KCTD9: variants seen among roughly 807,000 people sequenced by gnomAD.
The protein encoded by KCTD9 is potassium channel tetramerization domain containing 9.
In KCTD9, 17 loss-of-function variants were observed where a neutral mutation model predicts 53.3. The observed-to-expected ratio is 0.32, with a 90% CI of 0.22 to 0.48. KCTD9 has a LOEUF of 0.48. Ranked by LOEUF, KCTD9 falls within the 20% of genes least tolerant of loss-of-function variation. KCTD9 has a pLI of 0.99. For synonymous variants in KCTD9, 128 were observed against 162.7 expected (o/e 0.79, Z 1.62); for missense variants, 179 against 465.5 (o/e 0.38, Z 5.66).
At chr8:25,453,700 A>C (rs1452285284) in intron 1 of KCTD9, among the ~76,000 whole-genome samples, 1 of 152,178 alleles carries the variant, frequency 6.6e-6, no homozygotes, top group African/African-American at 2.4e-5. Flanking sequence ...ATATGTGACA[A>C]AACTATTTAA....
At chr8:25,452,083 G>A (rs1311222658) in intron 1 of KCTD9, among the ~76,000 whole-genome samples, 3 of 151,994 alleles carry the variant, frequency 2.0e-5, no homozygotes, top group Non-Finnish European at 4.4e-5. Context: ...AATTTATGCA[G>A]GCTGATTTAC....
At chr8:25,453,194 T>C (rs1456807321) in intron 1 of KCTD9, among the ~76,000 whole-genome samples, 1 of 151,770 alleles carries the variant, frequency 6.6e-6, no homozygotes, top group African/African-American at 2.4e-5. Context: ...CCATCTCTAC[T>C]AAAAATACAA....
chr8:25,437,224 T>C (rs1802033290), intron 6 of KCTD9, among the ~76,000 whole-genome samples: 1 of 152,206 alleles, frequency 6.6e-6, no homozygotes, highest in African/African-American at 2.4e-5. Context: ...TTCGGATATA[T>C]ATCCCTGGTG....
At chr8:25,435,690 G>C (rs921473505) in intron 8 of KCTD9, among the ~76,000 whole-genome samples, 178 bp from the exon 9 acceptor site, 8 of 152,068 alleles carry the variant, frequency 5.3e-5, no homozygotes, top group African/African-American at 1.9e-4. Flanking sequence ...TCCTTAAATA[G>C]GTTCCTCATA....
chr8:25,453,673 A>G (rs552190078), intron 1 of KCTD9, among the ~76,000 whole-genome samples: 461 of 152,006 alleles, frequency 3.0e-3, no homozygotes, highest in African/African-American at 0.011. Flanking sequence ...AAAAAAAGGT[A>G]ATTTAGTTAT....
chr8:25,444,903 GA>G (rs1274557200), intron 2 of KCTD9, among the ~76,000 whole-genome samples: 1 of 152,082 alleles, frequency 6.6e-6, no homozygotes, highest in African/African-American at 2.4e-5. Context: ...ACTGTATTGT[GA>G]ACCAAAAATG....
chr8:25,454,678 A>G (rs1201024929), intron 1 of KCTD9, among the ~76,000 whole-genome samples: 3 of 152,236 alleles, frequency 2.0e-5, no homozygotes, highest in Non-Finnish European at 2.9e-5. Context: ...AATTTAAACC[A>G]AAGATTCCAG....
chr8:25,444,231 T>C lies in KCTD9; in HGVS notation c.214+61A>G, dbSNP rs531379011. 1,857 of 1,284,816 alleles carry C rather than the reference T, an allele frequency of 1.4e-3. 2 individuals carry two copies. The highest frequency in any genetic ancestry group is 1.7e-3 in the Non-Finnish European group (1,593 of 912,172). 79.6% of individuals were successfully genotyped at this position (1,284,816 alleles called of 1,614,324 possible). ...AGCTTAATAGCCCCATTTAAAATAA[T>C]TGTCATTCCATCTTTTTTTTTTTTT... On this transcript the variant is annotated intron_variant, in intron 3 of 11. Transcript: ENST00000221200.
chr8:25,456,911 A>T (rs538943625), intron 1 of KCTD9, among the ~76,000 whole-genome samples: 1 of 152,348 alleles, frequency 6.6e-6, no homozygotes, highest in South Asian at 2.1e-4. Context: ...GAACATACTA[A>T]ATCTTTCTTA....
chr8:25,432,919 C>G (rs1203809855), intron 10 of KCTD9, among the ~76,000 whole-genome samples: 1 of 152,054 alleles, frequency 6.6e-6, no homozygotes, highest in Admixed American at 6.6e-5. Context: ...CCTAAATATA[C>G]AAGTAAACAA....
At chr8:25,446,297 A>C in intron 1 of KCTD9, 47 bp from the exon 2 acceptor site, 1 of 1,600,786 alleles carries the variant, frequency 6.2e-7, no homozygotes, top group South Asian at 1.1e-5. Flanking sequence ...AATACATGTT[A>C]TCCCCCATAA....
intron 1 of KCTD9, among the ~76,000 whole-genome samples, chr8:25,452,313 T>C (rs913590677): frequency 2.6e-5 from 4 of 152,134 alleles, no homozygotes; most frequent in African/African-American, 9.7e-5. Context: ...TGTGGACCAA[T>C]AGGGAAGATT....
chr8:25,432,125 G>A (rs892351379), intron 11 of KCTD9, among the ~76,000 whole-genome samples: 7 of 152,148 alleles, frequency 4.6e-5, no homozygotes, highest in East Asian at 1.9e-4. Context: ...AAGATGACCA[G>A]GCAAAATTAT....
intron 3 of KCTD9, among the ~76,000 whole-genome samples, chr8:25,444,062 C>A (rs1191223766): frequency 6.6e-6 from 1 of 152,066 alleles, no homozygotes; most frequent in East Asian, 1.9e-4. Context: ...AATATGTATA[C>A]CTCCAGAGCA....
chr8:25,449,363 G>T (rs571152636), intron 1 of KCTD9, among the ~76,000 whole-genome samples: 1 of 152,048 alleles, frequency 6.6e-6, no homozygotes, highest in South Asian at 2.1e-4. Context: ...TCCCCTCCTT[G>T]CCCTAACATC....
chr8:25,444,243 C>CTTTT (rs57257880), intron 3 of KCTD9, 49 bp downstream of exon 3: 20,388 of 958,364 alleles, frequency 0.021, 638 homozygotes, highest in African/African-American at 0.13. Context: ...GTCATTCCAT[C>CTTTT]TTTTTTTTTT....
chr8:25,445,491 AATG>A (rs995974884), intron 2 of KCTD9, among the ~76,000 whole-genome samples: 1 of 152,170 alleles, frequency 6.6e-6, no homozygotes, highest in Non-Finnish European at 1.5e-5. Flanking sequence ...CAGGCAAAGC[AATG>A]ATAACATAAG....
At chr8:25,454,272 T>C (rs1802387881) in intron 1 of KCTD9, among the ~76,000 whole-genome samples, 1 of 152,220 alleles carries the variant, frequency 6.6e-6, no homozygotes, top group Non-Finnish European at 1.5e-5. Context: ...AATGAAAGTA[T>C]TTCCTACCCT....
At chr8:25,430,947 A>T (rs1468263626) in intron 11 of KCTD9, among the ~76,000 whole-genome samples, 1 of 151,936 alleles carries the variant, frequency 6.6e-6, no homozygotes, top group Non-Finnish European at 1.5e-5. Context: ...CTCCTGCCTC[A>T]GCTTCCAGAG....
Sources: allele counts gnomAD v4.1 joint callset (sites outside exome capture counted in the v4.1 genomes callset), GRCh38; gene constraint gnomAD v4.1.1; transcripts MANE v1.5; gene names NCBI Gene and HGNC (gene_info 2026-07-23, HGNC 2026-07-21).